The following PDZD8 variants were observed in gnomAD, a reference collection of about 807,000 sequenced individuals.
PDZD8 encodes the protein PDZ domain-containing protein 8.
Under a neutral mutation model 85.8 loss-of-function variants are expected in PDZD8, and 14 were observed. The ratio of observed to expected loss-of-function variants is 0.16; its 90% CI spans 0.11 to 0.26. The LOEUF is 0.26. Ranked by LOEUF, PDZD8 falls within the 10% of genes least tolerant of loss-of-function variation. The pLI, the probability that PDZD8 is intolerant of heterozygous loss-of-function variation, is 1.00. For synonymous variants in PDZD8, 592 were observed against 568.6 expected (o/e 1.04, Z -0.59); for missense variants, 1,197 against 1,424.3 (o/e 0.84, Z 2.57).
intron 4 of PDZD8, among the ~76,000 whole-genome samples, chr10:117,286,327 GT>G (rs1844663358): frequency 1.3e-5 from 2 of 152,196 alleles, no homozygotes; most frequent in South Asian, 4.1e-4. Flanking sequence ...GGTGCTACTT[GT>G]TTCCTGTCAC....
intron 3 of PDZD8, among the ~76,000 whole-genome samples, chr10:117,311,387 G>C (rs185096447): frequency 6.6e-6 from 1 of 152,280 alleles, no homozygotes; most frequent in Admixed American, 6.5e-5. Context: ...AAACTTTGAA[G>C]GTCTGGAAGA....
At chr10:117,330,058 T>A (rs1253073929) in intron 2 of PDZD8, among the ~76,000 whole-genome samples, 1 of 123,424 alleles carries the variant, frequency 8.1e-6, no homozygotes, top group Non-Finnish European at 1.7e-5. Flanking sequence ...GGGAAAAATC[T>A]GTTTTTTTTT....
At chr10:117,345,439 G>A (rs192852790) in intron 1 of PDZD8, among the ~76,000 whole-genome samples, 1 of 152,154 alleles carries the variant, frequency 6.6e-6, no homozygotes, top group African/African-American at 2.4e-5. Context: ...AACAAGTTAT[G>A]CCCCTGGGTG....
chr10:117,334,136 C>A (rs527895530), intron 2 of PDZD8, among the ~76,000 whole-genome samples: 8 of 152,106 alleles, frequency 5.3e-5, no homozygotes, highest in Non-Finnish European at 1.2e-4. Context: ...ACAATGAAAA[C>A]CTTCTGAATG....
chr10:117,277,313 T>C lies in PDZD8; in HGVS notation c.*5955A>G, dbSNP rs958187084. 12 of 1,202,920 alleles carry C rather than the reference T, an allele frequency of 1.0e-5. No individual in the cohort carries two copies. Among genetic ancestry groups the C allele is most frequent in the Non-Finnish European group, 1.5e-5 (12 of 824,052 alleles). The allele number at this position is 1,202,920 out of a possible 1,614,324, so 74.5% of individuals were successfully genotyped here. ...CAAAGTGTTTAATTGTATAAAACAG[T>C]GTTTCCAGTGACACAACTCATCCAG... On this transcript the variant is annotated 3_prime_UTR_variant, in exon 5 of 5. Transcript: ENST00000334464.
At chr10:117,302,880 G>A (rs1313561965) in intron 3 of PDZD8, among the ~76,000 whole-genome samples, 1 of 152,140 alleles carries the variant, frequency 6.6e-6, no homozygotes, top group African/African-American at 2.4e-5. Flanking sequence ...TTTGCCTCCT[G>A]GCATGATTCT....
intron 3 of PDZD8, among the ~76,000 whole-genome samples, chr10:117,292,128 C>A (rs1844778092): frequency 6.6e-6 from 1 of 152,150 alleles, no homozygotes; most frequent in African/African-American, 2.4e-5. Flanking sequence ...AGAACCCTCA[C>A]TGGAAGTTGC....
At chr10:117,342,872 A>ATGAATATTCC (rs1307512756) in intron 1 of PDZD8, among the ~76,000 whole-genome samples, 1 of 152,344 alleles carries the variant, frequency 6.6e-6, no homozygotes, top group African/African-American at 2.4e-5. Flanking sequence ...AGAAGACACT[A>ATGAATATTCC]TGAATATTCC....
intron 1 of PDZD8, among the ~76,000 whole-genome samples, chr10:117,360,973 C>G (rs946857505): frequency 4.6e-5 from 7 of 152,002 alleles, no homozygotes; most frequent in African/African-American, 1.2e-4. Flanking sequence ...TTTTGCATAT[C>G]AGAAATTACA....
intron 1 of PDZD8, among the ~76,000 whole-genome samples, chr10:117,352,912 G>T (rs1315268026): frequency 1.3e-5 from 2 of 152,066 alleles, no homozygotes; most frequent in Non-Finnish European, 2.9e-5. Context: ...GCTAACAGGG[G>T]CTTGCTGCTG....
rs867436265 is a variant in PDZD8, at chr10:117,330,114, T to G, written c.995+10866A>C. Among the ~76,000 whole-genome samples the G allele has an allele frequency of 3.3e-5, 5 of 151,156 alleles. No homozygotes were observed. The South Asian group carries it at 1.0e-3, about 32-fold the overall frequency. On this transcript the variant is annotated intron_variant, in intron 2 of 4. Coordinates refer to ENST00000334464, the MANE Select transcript of PDZD8 (RefSeq NM_173791.5). ...TAATTTGAAAGGAAAACCCTGCACT[T>G]GAAGGGGGTCAAATACCACTTCACC...
intron 2 of PDZD8, among the ~76,000 whole-genome samples, chr10:117,324,232 A>C (rs866854104): frequency 6.8e-6 from 1 of 146,096 alleles, no homozygotes; most frequent in African/African-American, 2.7e-5. Flanking sequence ...AAAAAAAAAA[A>C]AAGACAAGAG....
At chr10:117,327,591 G>C (rs537356542) in intron 2 of PDZD8, among the ~76,000 whole-genome samples, 3 of 152,074 alleles carry the variant, frequency 2.0e-5, no homozygotes, top group African/African-American at 7.2e-5. Context: ...TGTTCTTTCT[G>C]CCATTGCCCA....
intron 1 of PDZD8, among the ~76,000 whole-genome samples, chr10:117,360,842 A>G (rs1844984659): frequency 6.6e-6 from 1 of 152,080 alleles, no homozygotes; most frequent in Admixed American, 6.6e-5. Context: ...TGGTAAAAAT[A>G]AATAAACTTC....
At position 117,283,188 on chromosome 10, in the gene PDZD8, G is replaced by A. The variant is rs1844595500; in HGVS notation, c.*80C>T. 2.9e-6 allele frequency: 4 copies of A among 1,394,996 alleles called. No individual in the cohort carries two copies. Among genetic ancestry groups the A allele is most frequent in the Admixed American group, 4.6e-5 (2 of 43,762 alleles). 86.4% of individuals were successfully genotyped at this position (1,394,996 alleles called of 1,614,324 possible). On this transcript the variant is annotated 3_prime_UTR_variant, in exon 5 of 5. Coordinates refer to ENST00000334464, the MANE Select transcript of PDZD8 (RefSeq NM_173791.5). ...GAGAAGCAGGCCAGAGTGCATACGA[G>A]GATTTAAACATGGTTGTATCTGTGG...
At chr10:117,313,204 A>G (rs1844068298) in intron 3 of PDZD8, among the ~76,000 whole-genome samples, 1 of 152,134 alleles carries the variant, frequency 6.6e-6, no homozygotes, top group Non-Finnish European at 1.5e-5. Context: ...CACTAGTCAC[A>G]TGCTTCTGAG....
At chr10:117,324,599 T>A (rs1008396741) in intron 2 of PDZD8, among the ~76,000 whole-genome samples, 2 of 152,176 alleles carry the variant, frequency 1.3e-5, no homozygotes, top group African/African-American at 4.8e-5. Context: ...TACTCTGGAA[T>A]ACAAGTTTCT....
intron 3 of PDZD8, among the ~76,000 whole-genome samples, chr10:117,305,453 CACAT>C (rs772829905): frequency 0.023 from 3,225 of 141,292 alleles, 55 homozygotes; most frequent in Middle Eastern, 0.033. Context: ...CACACACACA[CACAT>C]ATATACACAC....
intron 1 of PDZD8, among the ~76,000 whole-genome samples, chr10:117,360,832 T>C (rs1844984507): frequency 6.6e-6 from 1 of 152,018 alleles, no homozygotes; most frequent in African/African-American, 2.4e-5. Context: ...CCTTTACATA[T>C]GGTAAAAATA....
Sources: allele counts gnomAD v4.1 joint callset (sites outside exome capture counted in the v4.1 genomes callset), GRCh38; gene constraint gnomAD v4.1.1; transcripts MANE v1.5; gene names NCBI Gene and HGNC (gene_info 2026-07-23, HGNC 2026-07-21).